The following ST7 variants were observed in gnomAD, a reference collection of about 807,000 sequenced individuals.
ST7 encodes suppression of tumorigenicity 7, also known as suppressor of tumorigenicity 7 protein.
ST7 carries 28 observed loss-of-function variants against 78.7 expected under a neutral mutation model. The ratio of observed to expected loss-of-function variants is 0.36; its 90% CI spans 0.26 to 0.49. The LOEUF is 0.49. Ranked by LOEUF, ST7 falls within the 20% of genes least tolerant of loss-of-function variation. ST7 has a pLI of 0.99. For synonymous variants in ST7, 247 were observed against 249.6 expected (o/e 0.99, Z 0.10); for missense variants, 418 against 696.0 (o/e 0.60, Z 4.49).
At chr7:117,171,279 C>T (rs1807970462) in intron 10 of ST7, among the ~76,000 whole-genome samples, 1 of 152,118 alleles carries the variant, frequency 6.6e-6, no homozygotes, top group Non-Finnish European at 1.5e-5. Context: ...CAGGAATCAC[C>T]CAGAACCTCA....
chr7:117,126,198 C>G (rs1385042403), intron 3 of ST7, among the ~76,000 whole-genome samples: 1 of 151,758 alleles, frequency 6.6e-6, no homozygotes, highest in Non-Finnish European at 1.5e-5. Flanking sequence ...TATAAGAAAC[C>G]CTTCTGGGCC....
In ST7 at chr7:117,039,972, G is replaced by T. The variant is rs1797122495; in HGVS notation, c.152-59790G>T. Reference sequence around the variant, plus strand: ...AGAAGAGCCCAAGAAGAGCCATCATGCTTGCACATGAAAACAGTTCATTGT... The same window carrying T: ...AGAAGAGCCCAAGAAGAGCCATCATTCTTGCACATGAAAACAGTTCATTGT... On this transcript the variant is annotated intron_variant, in intron 1 of 15. Transcript: ENST00000323984. 3.3e-5 allele frequency among the ~76,000 whole-genome samples: 5 copies of T among 152,192 alleles called. No homozygotes were observed. In the South Asian group the frequency reaches 1.0e-3, roughly 31 times the overall value.
At position 117,119,557 on chromosome 7, in the gene ST7, C is replaced by T; in HGVS notation, c.235-4C>T. The T allele has an allele frequency of 1.2e-6, 2 of 1,610,298 alleles. No homozygotes were observed. Among genetic ancestry groups the T allele is most frequent in the Non-Finnish European group, 1.7e-6 (2 of 1,179,128 alleles). Reference sequence around the variant, plus strand: ...CCATAAACACGCTTATTTTTCTGTTCTAGATATTTGAATGGTGGTATTTTC... The same window carrying T: ...CCATAAACACGCTTATTTTTCTGTTTTAGATATTTGAATGGTGGTATTTTC... On this transcript the variant is annotated splice_polypyrimidine_tract_variant and splice_region_variant and intron_variant, in intron 2 of 15. Transcript: ENST00000323984.
At chr7:117,122,709 T>G (rs1051837032) in intron 3 of ST7, among the ~76,000 whole-genome samples, 1 of 152,182 alleles carries the variant, frequency 6.6e-6, no homozygotes, top group African/African-American at 2.4e-5. Flanking sequence ...TCTGCCCACT[T>G]CTTGACATTT....
chr7:117,166,355 C>T (rs1660204293), intron 9 of ST7, among the ~76,000 whole-genome samples: 1 of 151,764 alleles, frequency 6.6e-6, no homozygotes, highest in Admixed American at 6.6e-5. Flanking sequence ...TTTTTGAGAA[C>T]TTAACTTCTA....
chr7:117,103,817 T>C (rs1178134572), intron 2 of ST7, among the ~76,000 whole-genome samples: 1 of 152,074 alleles, frequency 6.6e-6, no homozygotes, highest in Non-Finnish European at 1.5e-5. Flanking sequence ...AACCATAGAA[T>C]GGGAGAAAAT....
At chr7:116,969,634 C>T (rs1400428241) in intron 1 of ST7, among the ~76,000 whole-genome samples, 1 of 152,156 alleles carries the variant, frequency 6.6e-6, no homozygotes, top group Non-Finnish European at 1.5e-5. Context: ...TTTGTTTCCT[C>T]TTGTGGAAAT....
intron 1 of ST7, among the ~76,000 whole-genome samples, chr7:117,025,732 C>G (rs114442796): frequency 6.6e-6 from 1 of 152,138 alleles, no homozygotes; most frequent in Non-Finnish European, 1.5e-5. Flanking sequence ...GTATTTGACT[C>G]ATCTTACCAT....
At chr7:117,079,968 C>CTTT (rs34326752) in intron 1 of ST7, among the ~76,000 whole-genome samples, 1,359 of 65,484 alleles carry the variant, frequency 0.021, 301 homozygotes, top group Non-Finnish European at 0.031. Context: ...TTTGTCATTC[C>CTTT]TTTTTTTTTT....
intron 2 of ST7, 57 bp from the exon 3 acceptor site, chr7:117,119,504 G>T: frequency 6.5e-7 from 1 of 1,534,812 alleles, no homozygotes; most frequent in Non-Finnish European, 8.8e-7. Flanking sequence ...ATGGGCATGT[G>T]TACAGAAGTC....
At chr7:116,980,588 G>A (rs1029324470) in intron 1 of ST7, among the ~76,000 whole-genome samples, 5 of 152,114 alleles carry the variant, frequency 3.3e-5, no homozygotes, top group African/African-American at 1.2e-4. Context: ...AGCTGCTGTT[G>A]TCACAAGAAA....
intron 12 of ST7, among the ~76,000 whole-genome samples, chr7:117,193,430 A>G (rs38888): frequency 0.29 from 44,119 of 152,104 alleles, 7,920 homozygotes; most frequent in African/African-American, 0.51. Context: ...TTTTCATAAC[A>G]ACTCTGTGAG....
At chr7:117,175,205 C>T (rs193570) in intron 10 of ST7, among the ~76,000 whole-genome samples, 19,188 of 152,098 alleles carry the variant, frequency 0.13, 2,270 homozygotes, top group African/African-American at 0.31. Context: ...ATTTATCTTT[C>T]TCTTCAGTCA....
intron 12 of ST7, among the ~76,000 whole-genome samples, chr7:117,205,910 A>C (rs10231354): frequency 6.6e-6 from 1 of 152,200 alleles, no homozygotes; most frequent in Non-Finnish European, 1.5e-5. Flanking sequence ...GTGTTCTTTG[A>C]TTTGTGAGCT....
At chr7:117,183,619 A>G (rs1327152120) in intron 10 of ST7, among the ~76,000 whole-genome samples, 1 of 152,134 alleles carries the variant, frequency 6.6e-6, no homozygotes, top group Non-Finnish European at 1.5e-5. Context: ...CCTCCAGCCC[A>G]GCAGTAACCA....
At chr7:116,957,144 C>G (rs770980634) in intron 1 of ST7, 44 of 159,332 alleles carry the variant, frequency 2.8e-4, no homozygotes, top group Non-Finnish European at 4.9e-4. Context: ...TACTACTTCC[C>G]TACTCCCACC....
intron 2 of ST7, among the ~76,000 whole-genome samples, chr7:117,108,423 G>A (rs1802152699): frequency 6.6e-6 from 1 of 152,016 alleles, no homozygotes; most frequent in South Asian, 2.1e-4. Flanking sequence ...TTATTTCTGG[G>A]TTCTTCATTC....
chr7:117,082,023 G>A (rs1359311083), intron 1 of ST7, among the ~76,000 whole-genome samples: 4 of 152,204 alleles, frequency 2.6e-5, no homozygotes, highest in Non-Finnish European at 5.9e-5. Flanking sequence ...CTAAGCTGAA[G>A]CGGCTGTCTG....
intron 1 of ST7, among the ~76,000 whole-genome samples, chr7:117,061,959 G>T (rs542159699): frequency 1.2e-4 from 19 of 152,294 alleles, no homozygotes; most frequent in African/African-American, 4.6e-4. Context: ...AATTTCATAG[G>T]CTGGGTGGCT....
Sources: allele counts gnomAD v4.1 joint callset (sites outside exome capture counted in the v4.1 genomes callset), GRCh38; gene constraint gnomAD v4.1.1; transcripts MANE v1.5; gene names NCBI Gene and HGNC (gene_info 2026-07-23, HGNC 2026-07-21).